The following IL23R variants were observed in gnomAD, a reference collection of about 807,000 sequenced individuals.
The protein encoded by IL23R is interleukin 23 receptor.
Under a neutral mutation model 56.9 loss-of-function variants are expected in IL23R, and 34 were observed. The observed-to-expected ratio is 0.60, with a 90% CI of 0.45 to 0.80. IL23R has a LOEUF of 0.80. Among genes scored for constraint, IL23R ranks in the 30% least tolerant of loss-of-function variants. The pLI, the probability that IL23R is intolerant of heterozygous loss-of-function variation, is 0.00. For missense variants in IL23R, 635 were observed against 730.0 expected (o/e 0.87, Z 1.50); for synonymous variants, 230 against 249.2 (o/e 0.92, Z 0.73).
At chr1:67,177,371 A>G (rs556682503) in intron 3 of IL23R, among the ~76,000 whole-genome samples, 2 of 152,274 alleles carry the variant, frequency 1.3e-5, no homozygotes, top group African/African-American at 4.8e-5. Context: ...ATGGCCAGTG[A>G]TGATGAGCAT....
intron 3 of IL23R, among the ~76,000 whole-genome samples, chr1:67,178,671 G>A (rs1304397905): frequency 2.0e-5 from 3 of 152,218 alleles, no homozygotes. Flanking sequence ...TAGGAGTGGT[G>A]AGAGAGGGCA....
In IL23R at chr1:67,228,027, TTTCTTTTCTTTCTTTCTC is replaced by T. The variant is rs1191100499; in HGVS notation, c.955+8300_955+8317del. On this transcript the variant is annotated intron_variant, in intron 7 of 10. Transcript: ENST00000347310. ...CTTTCTTTCTTTCTTTCTTCCTTTC[TTTCTTTTCTTTCTTTCTC>T]TTTCTTTCTTTCTTTCTCTGTCTCT... 1.5e-4 allele frequency among the ~76,000 whole-genome samples: 15 copies of T among 97,976 alleles called. 1 individual carries two copies. The highest frequency in any genetic ancestry group is 6.3e-4 in the African/African-American group (15 of 23,924). The allele number at this position is 97,976 out of a possible 152,430, so 64.3% of individuals were successfully genotyped here. A position where few individuals can be genotyped will look rare whatever the true frequency, so the allele number is the denominator to read the frequency against.
intron 9 of IL23R, among the ~76,000 whole-genome samples, chr1:67,251,102 T>C (rs950465151): frequency 6.6e-6 from 1 of 152,100 alleles, no homozygotes; most frequent in Non-Finnish European, 1.5e-5. Flanking sequence ...AGAAAAATAA[T>C]TCAGTCGACT....
intron 1 of IL23R, among the ~76,000 whole-genome samples, chr1:67,145,482 T>C (rs1646671951): frequency 6.6e-6 from 1 of 152,216 alleles, no homozygotes; most frequent in South Asian, 2.1e-4. Context: ...GCCTGTTTTC[T>C]GTGCTCCTGT....
intron 5 of IL23R, 111 bp from the exon 6 acceptor site, chr1:67,206,798 AT>A (rs200410034): frequency 6.0e-4 from 687 of 1,140,356 alleles, no homozygotes; most frequent in Middle Eastern, 8.8e-4. Flanking sequence ...CATGAATTTT[AT>A]TTTTTTTTAC....
upstream of IL23R, among the ~76,000 whole-genome samples, chr1:67,165,271 C>T (rs1444005607): frequency 1.3e-5 from 2 of 152,132 alleles, no homozygotes; most frequent in Non-Finnish European, 2.9e-5. Context: ...TATCACTTCC[C>T]ACCTTTTGGG....
In IL23R at chr1:67,195,875, C is replaced by T. The variant is rs117485782; in HGVS notation, c.492-4862C>T. On this transcript the variant is annotated intron_variant, in intron 4 of 10. Transcript: ENST00000347310. ...ATTGCTTGGTATTAATAGCATAAGG[C>T]TGGTTCCTTTTCTCTGCGTCTCAGC... is the stretch of plus-strand genomic sequence containing the variant. Among the ~76,000 whole-genome samples the T allele has an allele frequency of 5.1e-4, 78 of 152,262 alleles. No homozygotes were observed. The East Asian group carries it at 6.0e-3, about 12-fold the overall frequency.
intron 7 of IL23R, among the ~76,000 whole-genome samples, chr1:67,229,249 C>T (rs1236815607): frequency 6.6e-6 from 1 of 152,086 alleles, no homozygotes; most frequent in African/African-American, 2.4e-5. Flanking sequence ...GATCAATTTG[C>T]TAGGATGCCC....
rs1652394424 is a variant in IL23R at position 67,248,527 on chromosome 1, T to C, written c.1149-7310T>C. Among the ~76,000 whole-genome samples, 3 of 152,102 alleles carry C rather than the reference T, an allele frequency of 2.0e-5. No homozygotes were observed. The South Asian group carries it at 6.2e-4, about 32-fold the overall frequency. On this transcript the variant is annotated intron_variant, in intron 9 of 10. Transcript: ENST00000347310. ...TTAGCAATTCGTCTTTTTTTCAAGG[T>C]TCTTAGCTTCCTTGCATTGGGTTAG...
At chr1:67,141,683 TG>T (rs1371636891) in intron 1 of IL23R, among the ~76,000 whole-genome samples, 4 of 151,986 alleles carry the variant, frequency 2.6e-5, no homozygotes, top group African/African-American at 9.7e-5. Flanking sequence ...CCTTGAGCCC[TG>T]GAGGTTGAGG....
intron 7 of IL23R, among the ~76,000 whole-genome samples, chr1:67,234,302 A>T (rs1651312915): frequency 6.6e-6 from 1 of 152,136 alleles, no homozygotes; most frequent in African/African-American, 2.4e-5. Context: ...TAGATAACTG[A>T]TTCCTTGTGA....
intron 4 of IL23R, among the ~76,000 whole-genome samples, chr1:67,198,347 T>C (rs1307283630): frequency 6.6e-6 from 1 of 152,206 alleles, no homozygotes; most frequent in African/African-American, 2.4e-5. Context: ...CATGTGATTA[T>C]TTAGGGGTAG....
At position 67,171,377 on chromosome 1, in the gene IL23R, T is replaced by C. The variant is rs78062291; in HGVS notation, c.367+1739T>C. Among the ~76,000 whole-genome samples, 1,177 of 152,332 alleles carry C rather than the reference T, an allele frequency of 7.7e-3. 12 individuals carry two copies. Among genetic ancestry groups the C allele is most frequent in the African/African-American group, 0.027 (1,118 of 41,578 alleles). ...AGCATCTCTTTCTAAAAAACTGATA[T>C]GTGCTCTGAGTGTCCTGGAGGTGTT... On this transcript the variant is annotated intron_variant, in intron 3 of 10. Coordinates refer to ENST00000347310, the MANE Select transcript of IL23R (RefSeq NM_144701.3).
chr1:67,154,732 CTCTT>C (rs1318000500), intron 1 of IL23R, among the ~76,000 whole-genome samples: 2 of 152,068 alleles, frequency 1.3e-5, no homozygotes, highest in Non-Finnish European at 1.5e-5. Flanking sequence ...TGGGTCTTGA[CTCTT>C]TATCCAATTT....
chr1:67,227,952 T>TTC (rs761236603), intron 7 of IL23R, among the ~76,000 whole-genome samples: 3,459 of 10,996 alleles, frequency 0.31, 1,057 homozygotes, highest in Non-Finnish European at 0.41. Flanking sequence ...CTTTCTTTCT[T>TTC]TCTTTCTTTC....
downstream of IL23R, among the ~76,000 whole-genome samples, chr1:67,261,467 T>A (rs1570938596): frequency 2.6e-5 from 4 of 151,492 alleles, no homozygotes; most frequent in South Asian, 8.4e-4. Flanking sequence ...AAAAAAGTTA[T>A]CCCCCAGATA....
At chr1:67,140,166 C>A (rs1486757061) in intron 1 of IL23R, among the ~76,000 whole-genome samples, 1 of 152,104 alleles carries the variant, frequency 6.6e-6, no homozygotes, top group Non-Finnish European at 1.5e-5. Flanking sequence ...CTGTTACAAG[C>A]AACAGAAAAT....
chr1:67,206,528 C>T (rs890532583), intron 5 of IL23R, among the ~76,000 whole-genome samples: 6 of 152,178 alleles, frequency 3.9e-5, no homozygotes, highest in African/African-American at 9.7e-5. Context: ...GGGTGCATAT[C>T]ATCTCTCCTC....
At chr1:67,264,061 T>C (rs745420778), downstream of IL23R, among the ~76,000 whole-genome samples, 10 of 152,348 alleles carry the variant, frequency 6.6e-5, no homozygotes, top group East Asian at 1.9e-4. Flanking sequence ...ACTGGGATGC[T>C]GGACCAACCT....
Sources: allele counts gnomAD v4.1 joint callset (sites outside exome capture counted in the v4.1 genomes callset), GRCh38; gene constraint gnomAD v4.1.1; transcripts MANE v1.5; gene names NCBI Gene and HGNC (gene_info 2026-07-23, HGNC 2026-07-21).